The following LARGE1 variants were observed in gnomAD, a reference collection of about 807,000 sequenced individuals.
LARGE1 encodes the protein xylosyl- and glucuronyltransferase LARGE1.
Under a neutral mutation model 87.6 loss-of-function variants are expected in LARGE1, and 43 were observed. The ratio of observed to expected loss-of-function variants is 0.49; its 90% CI spans 0.38 to 0.63. The LOEUF (loss-of-function observed/expected upper bound fraction) is 0.63, where lower values mean the gene tolerates loss of function less well. Ranked by LOEUF, LARGE1 falls within the 30% of genes least tolerant of loss-of-function variation. LARGE1 has a pLI of 0.00. For missense variants in LARGE1, 802 were observed against 1,000.2 expected (o/e 0.80, Z 2.67); for synonymous variants, 434 against 394.6 (o/e 1.10, Z -1.18).
chr22:33,445,052 A>C (rs1013119270), intron 6 of LARGE1, among the ~76,000 whole-genome samples: 5 of 150,918 alleles, frequency 3.3e-5, no homozygotes, highest in Non-Finnish European at 5.9e-5. Flanking sequence ...CTGGTCTTGA[A>C]CTCCTGACCT....
intron 7 of LARGE1, among the ~76,000 whole-genome samples, chr22:33,403,056 CA>C: frequency 1.5e-5 from 2 of 129,968 alleles, no homozygotes; most frequent in East Asian, 4.0e-4. Context: ...AAAAACAAAA[CA>C]AACAACAACA....
chr22:33,750,252 C>T (rs2084261853), intron 2 of LARGE1, among the ~76,000 whole-genome samples: 1 of 152,166 alleles, frequency 6.6e-6, no homozygotes, highest in South Asian at 2.1e-4. Context: ...GAGCACTGTG[C>T]ACATGGACAG....
intron 5 of LARGE1, among the ~76,000 whole-genome samples, chr22:33,589,165 C>A (rs1277338118): frequency 6.6e-6 from 1 of 152,204 alleles, no homozygotes; most frequent in Non-Finnish European, 1.5e-5. Flanking sequence ...GGCTGCAGGG[C>A]TCAATTCTTG....
chr22:33,641,189 A>G (rs1005032118), intron 3 of LARGE1, among the ~76,000 whole-genome samples: 10 of 152,210 alleles, frequency 6.6e-5, no homozygotes, highest in African/African-American at 2.4e-4. Context: ...CAAAGCTTCC[A>G]GAGGAAGGAG....
At chr22:33,523,933 T>C (rs1359739405) in intron 6 of LARGE1, among the ~76,000 whole-genome samples, 1 of 152,138 alleles carries the variant, frequency 6.6e-6, no homozygotes, top group East Asian at 1.9e-4. Context: ...CAAGAAACCA[T>C]CATGGCAATC....
chr22:33,404,427 TATTAAC>T (rs534079124), intron 7 of LARGE1, among the ~76,000 whole-genome samples: 86 of 152,340 alleles, frequency 5.6e-4, no homozygotes, highest in African/African-American at 1.9e-3. Flanking sequence ...TAGCTAGGAC[TATTAAC>T]ATTATTTCTG....
At chr22:33,502,776 C>T (rs571747929) in intron 6 of LARGE1, among the ~76,000 whole-genome samples, 1 of 152,134 alleles carries the variant, frequency 6.6e-6, no homozygotes, top group Non-Finnish European at 1.5e-5. Flanking sequence ...ACCACGTTGG[C>T]CAGGATGGTC....
At chr22:33,663,256 G>A (rs2081181514) in intron 2 of LARGE1, among the ~76,000 whole-genome samples, 1 of 152,168 alleles carries the variant, frequency 6.6e-6, no homozygotes, top group South Asian at 2.1e-4. Context: ...GAGCAAGATA[G>A]ATGTTTGGGT....
At chr22:33,207,337 A>G (rs528032979) in intron 11 of LARGE1, among the ~76,000 whole-genome samples, 22 of 152,242 alleles carry the variant, frequency 1.4e-4, no homozygotes, top group Non-Finnish European at 3.2e-4. Flanking sequence ...TTTACTTCGC[A>G]GCTACAGTTG....
intron 6 of LARGE1, among the ~76,000 whole-genome samples, chr22:33,533,571 G>A (rs893807615): frequency 1.3e-5 from 2 of 152,142 alleles, no homozygotes; most frequent in African/African-American, 2.4e-5. Context: ...AAAATGCCCC[G>A]ACTTTGTGGA....
rs143726420 is a variant in LARGE1, at chr22:33,826,502, C to T, written c.-82-64944G>A. ...GGATTACAGGCATCCACCACCGCACCCGGCTAATTTTTGTATTTTTAGTAG... is the reference window on the plus strand; with the variant it reads ...GGATTACAGGCATCCACCACCGCACTCGGCTAATTTTTGTATTTTTAGTAG... On this transcript the variant is annotated intron_variant, in intron 1 of 14. Coordinates refer to ENST00000397394, the MANE Select transcript of LARGE1 (RefSeq NM_133642.5). Among the ~76,000 whole-genome samples, 44 of 152,138 alleles carry T rather than the reference C, an allele frequency of 2.9e-4. 1 individual carries two copies. In the East Asian group the frequency reaches 8.2e-3, roughly 28 times the overall value.
chr22:33,605,409 G>T (rs920008182), intron 4 of LARGE1, among the ~76,000 whole-genome samples: 1 of 152,180 alleles, frequency 6.6e-6, no homozygotes, highest in Non-Finnish European at 1.5e-5. Context: ...ATGGAAACAG[G>T]TTCCAAACCC....
intron 2 of LARGE1, among the ~76,000 whole-genome samples, chr22:33,687,466 T>C (rs1206160010): frequency 6.6e-6 from 1 of 151,898 alleles, no homozygotes; most frequent in African/African-American, 2.4e-5. Flanking sequence ...AACTAAGTAT[T>C]ATGAGGGCAA....
chr22:33,852,674 C>T (rs2063626411), intron 1 of LARGE1, among the ~76,000 whole-genome samples: 1 of 151,476 alleles, frequency 6.6e-6, no homozygotes, highest in African/African-American at 2.4e-5. Context: ...CAGTGAAATC[C>T]CGTCTCTACT....
At chr22:33,752,789 C>T (rs367606663) in intron 2 of LARGE1, among the ~76,000 whole-genome samples, 1 of 152,206 alleles carries the variant, frequency 6.6e-6, no homozygotes, top group Admixed American at 6.5e-5. Context: ...AATGACCCCC[C>T]AAAAGATGTC....
intron 1 of LARGE1, among the ~76,000 whole-genome samples, chr22:33,908,467 G>T (rs2065522742): frequency 6.6e-6 from 1 of 151,126 alleles, no homozygotes; most frequent in African/African-American, 2.4e-5. Context: ...TATGTGCACA[G>T]CTTGACAGGT....
intron 2 of LARGE1, among the ~76,000 whole-genome samples, chr22:33,685,967 G>C (rs1386021863): frequency 6.6e-6 from 1 of 152,192 alleles, no homozygotes; most frequent in East Asian, 1.9e-4. Flanking sequence ...TTAATTAGCA[G>C]AGAATCTGGC....
chr22:33,523,899 C>G (rs1351516222), intron 6 of LARGE1, among the ~76,000 whole-genome samples: 1 of 152,118 alleles, frequency 6.6e-6, no homozygotes, highest in African/African-American at 2.4e-5. Context: ...GTGTATAGTT[C>G]TATGCCATTT....
At chr22:33,204,354 T>C (rs1225309640) in intron 11 of LARGE1, among the ~76,000 whole-genome samples, 1 of 152,184 alleles carries the variant, frequency 6.6e-6, no homozygotes, top group Non-Finnish European at 1.5e-5. Context: ...AAATGGCTTA[T>C]TAAAAGGGTT....
Sources: gnomAD v4.1 joint callset for allele counts (sites outside exome capture counted in the v4.1 genomes callset) on GRCh38, gnomAD v4.1.1 for gene constraint, MANE v1.5 for transcripts, NCBI Gene and HGNC (gene_info 2026-07-23, HGNC 2026-07-21) for gene names.